NKAIN3: variants seen among roughly 807,000 people sequenced by gnomAD.
The protein encoded by NKAIN3 is sodium/potassium transporting ATPase interacting 3, also known as sodium/potassium-transporting ATPase subunit beta-1-interacting protein 3.
NKAIN3 carries 25 observed loss-of-function variants against 30.2 expected under a neutral mutation model. The observed-to-expected ratio is 0.83, with a 90% CI of 0.60 to 1.16. NKAIN3 has a LOEUF of 1.16. Among genes scored for constraint, NKAIN3 ranks in the 50% most tolerant of loss-of-function variants. NKAIN3 has a pLI of 0.00. For synonymous variants in NKAIN3, 91 were observed against 89.6 expected (o/e 1.02, Z -0.09); for missense variants, 225 against 254.1 (o/e 0.89, Z 0.78).
chr8:62,249,510 C>T (rs1812021185), intron 1 of NKAIN3, among the ~76,000 whole-genome samples: 1 of 152,240 alleles, frequency 6.6e-6, no homozygotes, highest in African/African-American at 2.4e-5. Flanking sequence ...CTTGCGGGCT[C>T]TTTCTTCTTA....
intron 1 of NKAIN3, among the ~76,000 whole-genome samples, chr8:62,386,008 A>G (rs1817414546): frequency 6.6e-6 from 1 of 152,220 alleles, no homozygotes; most frequent in Non-Finnish European, 1.5e-5. Flanking sequence ...CAACAGCAGC[A>G]TGGGCTCCTC....
At chr8:62,351,747 G>A (rs1458336888) in intron 1 of NKAIN3, among the ~76,000 whole-genome samples, 1 of 152,116 alleles carries the variant, frequency 6.6e-6, no homozygotes, top group South Asian at 2.1e-4. Flanking sequence ...AGTTTTTGTG[G>A]TTTATCAAAT....
At chr8:62,911,065 C>T (rs952505137) in intron 4 of NKAIN3, among the ~76,000 whole-genome samples, 1 of 152,032 alleles carries the variant, frequency 6.6e-6, no homozygotes, top group African/African-American at 2.4e-5. Context: ...ATACTTTAGG[C>T]ATCATTCTCA....
rs1389202562 is a variant in NKAIN3 at position 62,249,055 on chromosome 8, C to G, written c.-19C>G. 1 of 1,533,742 alleles carries G rather than the reference C, an allele frequency of 6.5e-7. No homozygotes were observed. Among genetic ancestry groups the G allele is most frequent in the Non-Finnish European group, 8.8e-7 (1 of 1,142,596 alleles). The stretch of plus-strand genomic sequence containing the variant: ...CGAGGATCTCTGGCAGTCAGCGCCG[C>G]TCGGACGCCGCCGGCACCATGGGCT... On this transcript the variant is annotated 5_prime_UTR_variant, in exon 1 of 7. Coordinates refer to ENST00000623646, the MANE Select transcript of NKAIN3 (RefSeq NM_001304533.3).
At chr8:62,796,659 A>G (rs527616008) in intron 4 of NKAIN3, among the ~76,000 whole-genome samples, 1 of 152,290 alleles carries the variant, frequency 6.6e-6, no homozygotes, top group African/African-American at 2.4e-5. Flanking sequence ...CCCAGACTCT[A>G]GTCTTAACCT....
chr8:62,576,622 G>A (rs114436058), intron 1 of NKAIN3, among the ~76,000 whole-genome samples: 214 of 152,192 alleles, frequency 1.4e-3, no homozygotes, highest in African/African-American at 4.7e-3. Flanking sequence ...CTCGAAACAT[G>A]CATATAAACA....
chr8:62,828,120 A>G (rs1819080901), intron 4 of NKAIN3, among the ~76,000 whole-genome samples: 1 of 152,168 alleles, frequency 6.6e-6, no homozygotes, highest in Non-Finnish European at 1.5e-5. Context: ...CTATCTATTG[A>G]TATATGCAAT....
At chr8:62,538,265 C>G (rs1015850287) in intron 1 of NKAIN3, among the ~76,000 whole-genome samples, 1 of 152,120 alleles carries the variant, frequency 6.6e-6, no homozygotes, top group Non-Finnish European at 1.5e-5. Flanking sequence ...GCATCGACCT[C>G]TCAGGCTCAA....
chr8:62,606,367 AGC>A lies in NKAIN3; in HGVS notation c.273+16574_273+16575del, dbSNP rs1811131916. On this transcript the variant is annotated intron_variant, in intron 3 of 6. Coordinates refer to ENST00000623646, the MANE Select transcript of NKAIN3 (RefSeq NM_001304533.3). The stretch of plus-strand genomic sequence containing the variant: ...TTTGAGGTTATCTGTAATTTTCCTA[AGC>A]ATAAATAGACAAATGTGCTCCTCAA... Among the ~76,000 whole-genome samples, 3 of 152,126 alleles carry A rather than the reference AGC, an allele frequency of 2.0e-5. No individual in the cohort carries two copies. The South Asian group carries it at 6.2e-4, about 32-fold the overall frequency.
At chr8:62,506,441 T>A (rs994799683) in intron 1 of NKAIN3, among the ~76,000 whole-genome samples, 2 of 151,602 alleles carry the variant, frequency 1.3e-5, no homozygotes, top group Non-Finnish European at 2.9e-5. Context: ...ACATGTGCAT[T>A]TTTATTTTTT....
At chr8:62,340,208 A>G (rs948410250) in intron 1 of NKAIN3, among the ~76,000 whole-genome samples, 1 of 152,082 alleles carries the variant, frequency 6.6e-6, no homozygotes, top group Non-Finnish European at 1.5e-5. Flanking sequence ...CAAAAAGCAT[A>G]TGATGTAATG....
At chr8:62,758,162 A>G (rs1816516130) in intron 4 of NKAIN3, among the ~76,000 whole-genome samples, 1 of 152,026 alleles carries the variant, frequency 6.6e-6, no homozygotes, top group African/African-American at 2.4e-5. Context: ...AAAATTCCTG[A>G]GAAACTTTGC....
At chr8:62,597,153 C>G (rs1810859619) in intron 3 of NKAIN3, among the ~76,000 whole-genome samples, 1 of 152,068 alleles carries the variant, frequency 6.6e-6, no homozygotes, top group Non-Finnish European at 1.5e-5. Flanking sequence ...GCAAGCTGGT[C>G]CCTCGGACCT....
intron 1 of NKAIN3, among the ~76,000 whole-genome samples, chr8:62,577,197 T>G (rs1810139278): frequency 1.3e-5 from 2 of 152,234 alleles, no homozygotes; most frequent in South Asian, 4.1e-4. Flanking sequence ...TGCTCTTATT[T>G]CTTCCCACCT....
intron 1 of NKAIN3, among the ~76,000 whole-genome samples, chr8:62,486,409 C>CAA (rs147115278): frequency 9.4e-4 from 139 of 147,622 alleles, no homozygotes; most frequent in African/African-American, 3.4e-3. Flanking sequence ...CTTTCTTTTT[C>CAA]AAAAAAAAAA....
At chr8:62,781,461 A>T (rs936522443) in intron 4 of NKAIN3, among the ~76,000 whole-genome samples, 9 of 151,996 alleles carry the variant, frequency 5.9e-5, no homozygotes, top group African/African-American at 2.2e-4. Flanking sequence ...ATGAGCCAGA[A>T]TATTCAAAGC....
At chr8:62,999,252 C>T (rs1201160139) in exon 6 of NKAIN3, 1 of 152,138 alleles carries the variant, frequency 6.6e-6, no homozygotes, top group Non-Finnish European at 1.5e-5. Context: ...AACATGGTGC[C>T]GGCACCTGCT....
chr8:62,540,775 C>T (rs1413097907), intron 1 of NKAIN3, among the ~76,000 whole-genome samples: 1 of 151,414 alleles, frequency 6.6e-6, no homozygotes, highest in East Asian at 1.9e-4. Flanking sequence ...GTCTAGATCC[C>T]ATGTCTTTTG....
chr8:62,372,718 G>A (rs985337087), intron 1 of NKAIN3, among the ~76,000 whole-genome samples: 11 of 151,902 alleles, frequency 7.2e-5, no homozygotes, highest in South Asian at 2.1e-4. Flanking sequence ...GTTTTATGAA[G>A]ACAGCAAGCA....
Sources: allele counts gnomAD v4.1 joint callset (sites outside exome capture counted in the v4.1 genomes callset), GRCh38; gene constraint gnomAD v4.1.1; transcripts MANE v1.5; gene names NCBI Gene and HGNC (gene_info 2026-07-23, HGNC 2026-07-21).